ZNF654: variants seen among roughly 807,000 people sequenced by gnomAD.
ZNF654 encodes zinc finger protein 654.
A neutral mutation model predicts 95.3 loss-of-function variants in ZNF654; 19 were observed. The observed-to-expected ratio is 0.20, with a 90% CI of 0.14 to 0.29. The LOEUF (loss-of-function observed/expected upper bound fraction) is 0.29, where lower values mean the gene tolerates loss of function less well. Among genes scored for constraint, ZNF654 ranks in the 10% least tolerant of loss-of-function variants. The pLI, the probability that ZNF654 is intolerant of heterozygous loss-of-function variation, is 1.00. For missense variants in ZNF654, 1,046 were observed against 1,341.0 expected, an observed-to-expected ratio of 0.78 and a Z score of 3.44; for synonymous variants, 413 against 457.9, an observed-to-expected ratio of 0.90 and a Z score of 1.25.
rs1213560038 is a variant in ZNF654 at position 88,140,668 on chromosome 3, ACAGAAT to A, written c.3003_3008del (p.Ile1002_Arg1003del). 1 of 1,613,712 alleles carries A rather than the reference ACAGAAT, an allele frequency of 6.2e-7. No homozygotes were observed. The highest frequency in any genetic ancestry group is 8.5e-7 in the Non-Finnish European group (1 of 1,179,728). On this transcript the variant is annotated inframe_deletion, in exon 8 of 9. Coordinates refer to ENST00000636215, the MANE Select transcript of ZNF654 (RefSeq NM_001350134.2). ...GATCCTGCTTTGAAAATTGATACAAACAGAATCAGGACAGAAAATGGTTCCATTTTG... is the reference window on the plus strand; with the variant it reads ...GATCCTGCTTTGAAAATTGATACAAACAGGACAGAAAATGGTTCCATTTTG...
rs1242520322 is a variant in ZNF654, at chr3:88,140,962, C to T, written c.3293C>T (p.Thr1098Ile). 6.2e-7 allele frequency: 1 copy of T among 1,613,400 alleles called. No individual in the cohort carries two copies. ...AGATTAAGATGTGGCAAATGCCTGA[C>T]CACCTACTGTAATGCAGAAGCACTT... ...VKRLRCGKCL[T>I]TYCNAEALEA... Residue 1098 changes from threonine to isoleucine, a missense_variant, in exon 8 of 9, where the codon ACC becomes ATC. Transcript: ENST00000636215.
chr3:88,141,948 A>G lies in ZNF654; in HGVS notation c.*296A>G, dbSNP rs1200231737. On this transcript the variant is annotated 3_prime_UTR_variant, in exon 9 of 9. Coordinates refer to ENST00000636215, the MANE Select transcript of ZNF654 (RefSeq NM_001350134.2). ...TTTCGCTTATATGAGAAACATGTTT[A>G]GGCAACTAGTCAGAAAACCAGCTAT... 3.8e-6 allele frequency: 1 copy of G among 259,992 alleles called. No individual in the cohort carries two copies. The highest frequency in any genetic ancestry group is 2.2e-5 in the African/African-American group (1 of 45,242). The allele number at this position is 259,992 out of a possible 1,614,324, so 16.1% of individuals were successfully genotyped here. A position where few individuals can be genotyped will look rare whatever the true frequency, so the allele number is the denominator to read the frequency against.
intron 1 of ZNF654, among the ~76,000 whole-genome samples, chr3:88,071,172 G>C (rs1229823146): frequency 6.6e-6 from 1 of 152,114 alleles, no homozygotes; most frequent in Non-Finnish European, 1.5e-5. Context: ...CCCAATTCTT[G>C]ATTTTATTTA....
chr3:88,088,866 G>T (rs1426413960), intron 2 of ZNF654, among the ~76,000 whole-genome samples: 3 of 151,788 alleles, frequency 2.0e-5, no homozygotes, highest in Admixed American at 6.6e-5. Flanking sequence ...TACATCTCCT[G>T]GGTTCAAGCA....
chr3:88,139,281 G>T lies in ZNF654; in HGVS notation c.1612G>T (p.Val538Leu). 2 of 1,560,610 alleles carry T rather than the reference G, an allele frequency of 1.3e-6. No individual in the cohort carries two copies. The highest frequency in any genetic ancestry group is 1.7e-6 in the Non-Finnish European group (2 of 1,159,414). Residue 538 changes from valine (V) to leucine (L), a missense_variant, in exon 8 of 9, where the codon GTA becomes TTA. Physicochemically the swap from Val to Leu is conservative, Grantham distance 32. Around this residue, in one of 9 missense-constraint regions of ZNF654, gnomAD observed 100 missense variants for 108.9 expected, o/e 0.92. Transcript: ENST00000636215. ...TCTTACAGCTCTCAGTACTTCCAAA[G>T]TAGATCACAATGTCCCAAGGCATCG... ...KNLTALSTSK[V>L]DHNVPRHRCM...
At chr3:88,099,021 G>T (rs1165606204) in intron 2 of ZNF654, among the ~76,000 whole-genome samples, 1 of 151,982 alleles carries the variant, frequency 6.6e-6, no homozygotes, top group African/African-American at 2.4e-5. Context: ...AGGGTATTCA[G>T]TTAGGAAAAG....
intron 2 of ZNF654, among the ~76,000 whole-genome samples, chr3:88,100,295 A>G (rs1238140070): frequency 1.3e-5 from 2 of 152,206 alleles, no homozygotes; most frequent in Non-Finnish European, 2.9e-5. Flanking sequence ...ACCAGTTAGA[A>G]TGACAATCAT....
intron 1 of ZNF654, among the ~76,000 whole-genome samples, chr3:88,061,060 T>C (rs1706852271): frequency 6.6e-6 from 1 of 152,184 alleles, no homozygotes; most frequent in African/African-American, 2.4e-5. Flanking sequence ...TGGCATTCAC[T>C]GAATTTAGAG....
chr3:88,133,093 T>C (rs114866491), intron 6 of ZNF654, among the ~76,000 whole-genome samples: 2,437 of 152,258 alleles, frequency 0.016, 30 homozygotes, highest in Non-Finnish European at 0.025. Context: ...CCAAGCTTAA[T>C]AGTTTAGAGT....
At chr3:88,093,317 G>A (rs1405308918) in intron 2 of ZNF654, among the ~76,000 whole-genome samples, 2 of 152,158 alleles carry the variant, frequency 1.3e-5, no homozygotes, top group Admixed American at 1.3e-4. Context: ...GACTTTATAA[G>A]TTTTACATAA....
At chr3:88,074,986 G>T (rs1346295322) in intron 1 of ZNF654, among the ~76,000 whole-genome samples, 1 of 152,112 alleles carries the variant, frequency 6.6e-6, no homozygotes, top group Non-Finnish European at 1.5e-5. Flanking sequence ...ATTTTGTGGA[G>T]GGTGCTCTTA....
intron 2 of ZNF654, among the ~76,000 whole-genome samples, chr3:88,094,894 T>A (rs1226010677): frequency 2.0e-5 from 3 of 151,890 alleles, no homozygotes; most frequent in Non-Finnish European, 4.4e-5. Context: ...AGAAAAAAAA[T>A]TACATGAAAT....
rs544516196 is a variant in ZNF654, at chr3:88,091,497, G to A, written c.332+5095G>A. Among the ~76,000 whole-genome samples, 6 of 152,152 alleles carry A rather than the reference G, an allele frequency of 3.9e-5. No individual in the cohort carries two copies. In the South Asian group the frequency reaches 1.2e-3, roughly 32 times the overall value. ...ATCTATATAATCTTTGTTAACTTTA[G>A]TGTTATGTGAAAATTCTTATACAAC... is the stretch of plus-strand genomic sequence containing the variant. On this transcript the variant is annotated intron_variant, in intron 2 of 8. Coordinates refer to ENST00000636215, the MANE Select transcript of ZNF654 (RefSeq NM_001350134.2).
chr3:88,063,625 C>A (rs1359193907), intron 1 of ZNF654, among the ~76,000 whole-genome samples: 1 of 151,956 alleles, frequency 6.6e-6, no homozygotes, highest in Non-Finnish European at 1.5e-5. Context: ...TTTAATTTAT[C>A]TTTAATTTTT....
chr3:88,086,927 C>T (rs1159488236), intron 2 of ZNF654, among the ~76,000 whole-genome samples: 16 of 152,152 alleles, frequency 1.1e-4, no homozygotes, highest in East Asian at 3.9e-4. Context: ...GGACTACAGG[C>T]GCCCGCCACC....
chr3:88,090,241 C>T (rs1386452575), intron 2 of ZNF654, among the ~76,000 whole-genome samples: 1 of 152,140 alleles, frequency 6.6e-6, no homozygotes, highest in Non-Finnish European at 1.5e-5. Context: ...AAGGTAACAG[C>T]TTCATGCATG....
intron 3 of ZNF654, among the ~76,000 whole-genome samples, chr3:88,122,614 A>G (rs1043843922): frequency 1.3e-5 from 2 of 152,236 alleles, no homozygotes; most frequent in African/African-American, 4.8e-5. Context: ...TATATTTAGC[A>G]CAGTGTAATG....
chr3:88,126,363 T>G, intron 4 of ZNF654, 94 bp downstream of exon 4: 1 of 1,234,136 alleles, frequency 8.1e-7, no homozygotes, highest in Non-Finnish European at 1.0e-6. Context: ...TTTTCTTCAT[T>G]TTATAATACT....
chr3:88,120,097 C>T (rs1351267139), intron 3 of ZNF654, among the ~76,000 whole-genome samples: 1 of 151,150 alleles, frequency 6.6e-6, no homozygotes, highest in Admixed American at 6.6e-5. Flanking sequence ...AATAATGTAA[C>T]TTATAGGCAT....
Sources: allele counts gnomAD v4.1 joint callset (sites outside exome capture counted in the v4.1 genomes callset), GRCh38; gene constraint gnomAD v4.1.1; regional missense constraint gnomAD v4.1.1; transcripts MANE v1.5; gene names NCBI Gene and HGNC (gene_info 2026-07-23, HGNC 2026-07-21).